AARS2: variants seen among roughly 807,000 people sequenced by gnomAD.
AARS2 encodes alanyl-tRNA synthetase 2, mitochondrial, also known as alanine--tRNA ligase, mitochondrial.
In AARS2, 78 loss-of-function variants were observed where a neutral mutation model predicts 119.7. The ratio of observed to expected loss-of-function variants is 0.65; its 90% CI spans 0.54 to 0.79. The LOEUF (loss-of-function observed/expected upper bound fraction) is 0.79. Among genes scored for constraint, AARS2 ranks in the 30% least tolerant of loss-of-function variants. The pLI is 0.00. For synonymous variants in AARS2, 502 were observed against 526.3 expected, an observed-to-expected ratio of 0.95 and a Z score of 0.63; for missense variants, 1,157 against 1,291.3, an observed-to-expected ratio of 0.90 and a Z score of 1.59.
Position 44,302,660 on chromosome 6 carries a change from G to T in AARS2, c.2364+142C>A. 4 of 1,475,904 alleles carry T rather than the reference G, an allele frequency of 2.7e-6. No individual in the cohort carries two copies. In the South Asian group the frequency reaches 3.5e-5, roughly 13 times the overall value. The allele number at this position is 1,475,904 out of a possible 1,614,324, so 91.4% of individuals were successfully genotyped here. A position where few individuals can be genotyped will look rare whatever the true frequency, so the allele number is the denominator to read the frequency against. On this transcript the variant is annotated intron_variant, in intron 17 of 21. Transcript: ENST00000244571. ...CAAATAATCAAAACACATGCCAGCT[G>T]CCAATAGCTGATATGGCCACATTGG...
At position 44,300,561 on chromosome 6, in the gene AARS2, G is replaced by C. The variant is rs766633645; in HGVS notation, c.2944C>G (p.Leu982Val). 1.9e-6 allele frequency: 3 copies of C among 1,613,946 alleles called. No homozygotes were observed. Among genetic ancestry groups the C allele is most frequent in the Non-Finnish European group, 2.5e-6 (3 of 1,180,042 alleles). The change falls in exon 22 of 22, where the codon CTC becomes GTC. Residue 982 changes from leucine to valine, a missense_variant. Transcript: ENST00000244571. Reference sequence around the variant, plus strand: ...GCGGACCTGGGTCAGAGCTGGCTGAGGGCATAGGTTTGGGCTATACTGAGG... The same window carrying C: ...GCGGACCTGGGTCAGAGCTGGCTGACGGCATAGGTTTGGGCTATACTGAGG... ...AALSIAQTYA[L>V]SQL
rs138013641 is a variant in AARS2 at position 44,302,102 on chromosome 6, C to T, written c.2556G>A (p.Gln852=). Reference sequence around the variant, plus strand: ...TACGGATGGCAGTGTTGGCACGCCGCTGCAGCATCTTCACTGTGGCCAGCA... The same window carrying T: ...TACGGATGGCAGTGTTGGCACGCCGTTGCAGCATCTTCACTGTGGCCAGCA... ...RELLATVKML[Q]RRANTAIRKL... Residue 852 remains glutamine (Q), a synonymous_variant, in exon 19 of 22, where the codon CAG becomes CAA. Transcript: ENST00000244571. 86 of 1,614,026 alleles carry T rather than the reference C, an allele frequency of 5.3e-5. 2 individuals carry two copies. The African/African-American group carries it at 1.0e-3, about 20-fold the overall frequency.
At chr6:44,309,183 AC>A (rs1786137179) in intron 5 of AARS2, among the ~76,000 whole-genome samples, 1 of 151,964 alleles carries the variant, frequency 6.6e-6, no homozygotes, top group Non-Finnish European at 1.5e-5. Context: ...CTGTCTTGGA[AC>A]CTTGCTGAGC....
chr6:44,304,896 A>G (rs1184272015), intron 11 of AARS2, 79 bp from the exon 12 acceptor site: 12 of 1,609,126 alleles, frequency 7.5e-6, no homozygotes, highest in Non-Finnish European at 1.0e-5. Context: ...GAGGCCAACA[A>G]GCACCCCCGC....
At position 44,302,376 on chromosome 6, in the gene AARS2, A is replaced by G; in HGVS notation, c.2487+15T>C. ...TAGGGCTAGGAGAGGGTGGGGTGGT[A>G]GGCGTGGCCCTCACTTCAATGAGTC... On this transcript the variant is annotated intron_variant, in intron 18 of 21. Transcript: ENST00000244571. The G allele has an allele frequency of 2.5e-6, 4 of 1,614,020 alleles. No homozygotes were observed. Among genetic ancestry groups the G allele is most frequent in the Non-Finnish European group, 3.4e-6 (4 of 1,180,014 alleles).
At chr6:44,302,765 C>A in intron 17 of AARS2, 37 bp downstream of exon 17, 1 of 1,591,236 alleles carries the variant, frequency 6.3e-7, no homozygotes, top group Non-Finnish European at 8.6e-7. Flanking sequence ...CATGCACCCA[C>A]TCAACCCAGA....
chr6:44,302,235 A>G, intron 18 of AARS2, 65 bp from the exon 19 acceptor site: 1 of 1,609,764 alleles, frequency 6.2e-7, no homozygotes, highest in Non-Finnish European at 8.5e-7. Flanking sequence ...GGTAGGGACC[A>G]GCAGGGCCAG....
intron 5 of AARS2, among the ~76,000 whole-genome samples, chr6:44,309,456 G>A (rs1351983230): frequency 6.6e-6 from 1 of 152,210 alleles, no homozygotes; most frequent in African/African-American, 2.4e-5. Context: ...TACAGCAAAA[G>A]CCAACTGACA....
At position 44,305,744 on chromosome 6, in the gene AARS2, A is replaced by G; in HGVS notation, c.1343T>C (p.Leu448Pro). 1 of 1,614,148 alleles carries G rather than the reference A, an allele frequency of 6.2e-7. No individual in the cohort carries two copies. Among genetic ancestry groups the G allele is most frequent in the Non-Finnish European group, 8.5e-7 (1 of 1,180,014 alleles). ...CATCAGCTCTACCATGTCCAAGGGG[A>G]GTCCCAGGTCTCCACACAGTGACAA... The part of the protein sequence containing the change: ...WSLSLCGDLG[L>P]PLDMVELMLE... The change falls in exon 10 of 22, where the codon CTC becomes CCC. Residue 448 changes from leucine (L) to proline (P), a missense_variant. Coordinates refer to ENST00000244571, the MANE Select transcript of AARS2 (RefSeq NM_020745.4). This position sits in a 1 kb window ranked among gnomAD's most constrained non-coding sequence, Gnocchi z 4.6.
Position 44,304,451 on chromosome 6 carries a change from A to G in AARS2, c.1835T>C (p.Leu612Ser), listed in dbSNP as rs1246075485. ...CACATGCAGCTGCACCTGGTCCCCT[A>G]ACCGCAGGCACTCAGGGGCTACTGC... ...HEAVAPECLR[L>S]GDQVQLHVDE... The change falls in exon 13 of 22, where the codon TTA becomes TCA. Residue 612 changes from leucine (L) to serine (S), a missense_variant. Coordinates refer to ENST00000244571, the MANE Select transcript of AARS2 (RefSeq NM_020745.4). 6.2e-7 allele frequency: 1 copy of G among 1,614,156 alleles called. No individual in the cohort carries two copies. The highest frequency in any genetic ancestry group is 8.5e-7 in the Non-Finnish European group (1 of 1,180,002).
Position 44,305,504 on chromosome 6 carries a change from C to A in AARS2, c.1434+149G>T. The A allele has an allele frequency of 7.8e-7, 1 of 1,279,002 alleles. No homozygotes were observed. Among genetic ancestry groups the A allele is most frequent in the South Asian group, 1.3e-5 (1 of 74,564 alleles). 79.2% of individuals were successfully genotyped at this position (1,279,002 alleles called of 1,614,324 possible). ...TAGTTTTGCTTTCTACTGGTTGTGG[C>A]CTGAGGTTTTAGAAACCTCCCAGGT... On this transcript the variant is annotated intron_variant, in intron 10 of 21. Transcript: ENST00000244571. This position sits in a 1 kb window ranked among gnomAD's most constrained non-coding sequence, Gnocchi z 4.6.
At chr6:44,303,479 A>C in intron 14 of AARS2, 56 bp from the exon 15 acceptor site, 1 of 1,612,746 alleles carries the variant, frequency 6.2e-7, no homozygotes, top group Non-Finnish European at 8.5e-7. Flanking sequence ...CCACACCTCT[A>C]ACTGATGCAT....
chr6:44,300,673 C>G lies in AARS2; in HGVS notation c.2832G>C (p.Leu944=). 8.1e-6 allele frequency: 13 copies of G among 1,613,642 alleles called. No individual in the cohort carries two copies. The highest frequency in any genetic ancestry group is 1.1e-5 in the Non-Finnish European group (13 of 1,180,034). ...MPTFTAEAWA[L]AVCSHMGGKA... is the part of the protein sequence containing the mutation. ...TGCCCCCCATGTGGCTGCACACTGC[C>G]AGTGCCCAGGCCTCTGCTGTGAAGG... Residue 944 remains leucine, a synonymous_variant, in exon 22 of 22, where the codon CTG becomes CTC. Coordinates refer to ENST00000244571, the MANE Select transcript of AARS2 (RefSeq NM_020745.4).
Position 44,303,073 on chromosome 6 carries a change from A to G in AARS2, c.2248T>C (p.Cys750Arg), listed in dbSNP as rs370007720. 7 of 1,613,946 alleles carry G rather than the reference A, an allele frequency of 4.3e-6. No homozygotes were observed. In the African/African-American group the frequency reaches 9.3e-5, roughly 22 times the overall value. Residue 750 changes from cysteine (C) to arginine (R), a missense_variant, in exon 16 of 22, where the codon TGT (cysteine) becomes CGT (arginine). Coordinates refer to ENST00000244571, the MANE Select transcript of AARS2 (RefSeq NM_020745.4). ...AALQTSVELC[C>R]GTHLLRTGAV... ...CACAAAGGAGTGACTCACGTCCCAC[A>G]GCATAGCTCCACAGAGGTCTGCAGT...
intron 19 of AARS2, 59 bp downstream of exon 19, chr6:44,302,001 T>A: frequency 6.4e-7 from 1 of 1,564,864 alleles, no homozygotes; most frequent in South Asian, 1.1e-5. Flanking sequence ...CCTTGAGACT[T>A]CTCAGTGTAT....
chr6:44,303,373 C>T lies in AARS2; in HGVS notation c.2058G>A (p.Glu686=), dbSNP rs759846267. 5 of 1,613,922 alleles carry T rather than the reference C, an allele frequency of 3.1e-6. No individual in the cohort carries two copies. In the East Asian group the frequency reaches 1.1e-4, roughly 36 times the overall value. Reference sequence around the variant, plus strand: ...ACACAGCCTCATCCTGCCCCACGGCCTCCTGCACAGTGTTCTCCACTGCCC... The same window carrying T: ...ACACAGCCTCATCCTGCCCCACGGCTTCCTGCACAGTGTTCTCCACTGCCC... ...QLRAVENTVQ[E]AVGQDEAVYM... The change falls in exon 15 of 22, where the codon GAG becomes GAA. Residue 686 remains glutamate (E), a synonymous_variant. Transcript: ENST00000244571.
Position 44,307,137 on chromosome 6 carries a change from C to A in AARS2, c.1041-106G>T. ...TGTGTGCTCCCACCTCAAAGCTCTC[C>A]CTCTCCCCATTCCTCCTACTGGCTC... On this transcript the variant is annotated intron_variant, in intron 6 of 21. Transcript: ENST00000244571. This position sits in a 1 kb window ranked among gnomAD's most constrained non-coding sequence, Gnocchi z 4.4. The A allele has an allele frequency of 6.3e-7, 1 of 1,590,624 alleles. No homozygotes were observed. The highest frequency in any genetic ancestry group is 2.3e-5 in the East Asian group (1 of 44,004).
rs757081879 is a variant in AARS2 at position 44,310,299 on chromosome 6, C to T, written c.894G>A (p.Gln298=). ...CTTCTGGAAGGGAAGAGGCACTCAC[C>T]TGCTGTATGGCGTTGAGCAGCGGGG... is the stretch of plus-strand genomic sequence containing the variant. The part of the protein sequence containing the change: ...LFSPLLNAIQ[Q]GCRAPPYLGR... Residue 298 remains glutamine, a splice_region_variant and synonymous_variant, in exon 5 of 22, where the codon CAG becomes CAA. Transcript: ENST00000244571. 2 of 1,594,596 alleles carry T rather than the reference C, an allele frequency of 1.3e-6. No homozygotes were observed. Among genetic ancestry groups the T allele is most frequent in the Non-Finnish European group, 8.5e-7 (1 of 1,170,140 alleles).
chr6:44,303,133 C>T lies in AARS2; in HGVS notation c.2188G>A (p.Val730Met), dbSNP rs35623954. Residue 730 changes from valine to methionine, a missense_variant, in exon 16 of 22, where the codon GTG (valine) becomes ATG (methionine). Transcript: ENST00000244571. ...PVRVVSVGVP[V>M]AHALDPASQA... ...GAGGCTGGGTCCAATGCATGGGCCA[C>T]GGGCACCCCCACTGATACCACCCGC... 62,337 of 1,614,086 alleles carry T rather than the reference C, an allele frequency of 0.039. 1,483 individuals carry two copies. Among genetic ancestry groups the T allele is most frequent in the Non-Finnish European group, 0.044 (52,372 of 1,180,004 alleles).
Sources: allele counts gnomAD v4.1 joint callset (sites outside exome capture counted in the v4.1 genomes callset), GRCh38; gene constraint gnomAD v4.1.1; non-coding constraint Gnocchi (gnomAD v3.1); transcripts MANE v1.5; gene names NCBI Gene and HGNC (gene_info 2026-07-23, HGNC 2026-07-21).